Variants in ICA1 observed in about 807,000 individuals in gnomAD.
The protein encoded by ICA1 is islet cell autoantigen 1.
A neutral mutation model predicts 71.0 loss-of-function variants in ICA1; 40 were observed. The ratio of observed to expected loss-of-function variants is 0.56; its 90% CI spans 0.44 to 0.73. The LOEUF (loss-of-function observed/expected upper bound fraction) is 0.73. ICA1 is among the 30% of genes least tolerant of loss of function. The probability of loss-of-function intolerance (pLI) is 0.00; values close to 1 mark genes in which losing one functional copy is unlikely to be tolerated. For synonymous variants in ICA1, 207 were observed against 209.5 expected, an observed-to-expected ratio of 0.99 and a Z score of 0.10; for missense variants, 578 against 576.5, an observed-to-expected ratio of 1.00 and a Z score of -0.03.
At chr7:8,194,477 T>C (rs1388597056) in intron 6 of ICA1, among the ~76,000 whole-genome samples, 2 of 152,246 alleles carry the variant, frequency 1.3e-5, no homozygotes, top group African/African-American at 2.4e-5. Flanking sequence ...TCTCTCCTTT[T>C]AAAATTCTTA....
intron 12 of ICA1, among the ~76,000 whole-genome samples, chr7:8,134,272 C>G (rs1792534554): frequency 2.6e-5 from 4 of 152,120 alleles, no homozygotes; most frequent in Admixed American, 2.6e-4. Flanking sequence ...GATCCTGAAC[C>G]AATGAGCAAT....
chr7:8,164,621 C>T (rs1363256772), intron 6 of ICA1, among the ~76,000 whole-genome samples: 1 of 152,210 alleles, frequency 6.6e-6, no homozygotes, highest in African/African-American at 2.4e-5. Flanking sequence ...CTCTAATACT[C>T]CTCCGTCATT....
At chr7:8,121,674 T>C (rs1490971195) in intron 13 of ICA1, among the ~76,000 whole-genome samples, 1 of 152,172 alleles carries the variant, frequency 6.6e-6, no homozygotes, top group African/African-American at 2.4e-5. Context: ...AGAATAAGTA[T>C]GATCTAGCAT....
intron 1 of ICA1, among the ~76,000 whole-genome samples, chr7:8,241,007 G>C (rs1803653600): frequency 6.6e-6 from 1 of 152,174 alleles, no homozygotes; most frequent in African/African-American, 2.4e-5. Flanking sequence ...TATTATCCAG[G>C]AGAATTTCCC....
chr7:8,211,826 T>C (rs1008780503), intron 6 of ICA1, among the ~76,000 whole-genome samples: 1 of 152,210 alleles, frequency 6.6e-6, no homozygotes, highest in Non-Finnish European at 1.5e-5. Flanking sequence ...TTTAGCTTTG[T>C]GAGCCATTAG....
At chr7:8,202,529 A>G (rs1413604299) in intron 6 of ICA1, among the ~76,000 whole-genome samples, 10 of 152,204 alleles carry the variant, frequency 6.6e-5, no homozygotes, top group Non-Finnish European at 1.5e-4. Context: ...GGCTAACTAC[A>G]TCTTTGTCAA....
rs548724724 is a variant in ICA1 at position 8,148,413 on chromosome 7, A to C, written c.805-4441T>G. Among the ~76,000 whole-genome samples, 21 of 151,744 alleles carry C rather than the reference A, an allele frequency of 1.4e-4. No homozygotes were observed. In the South Asian group the frequency reaches 3.7e-3, roughly 27 times the overall value. On this transcript the variant is annotated intron_variant, in intron 8 of 13. Coordinates refer to ENST00000402384, the MANE Select transcript of ICA1 (RefSeq NM_001136020.3). ...AGAATTACCTTACCTTTTTTTTTAA[A>C]CTTTTCTAAATGTACATATAACTTA...
chr7:8,227,033 C>A (rs954364694), intron 4 of ICA1, among the ~76,000 whole-genome samples: 2 of 152,068 alleles, frequency 1.3e-5, no homozygotes, highest in Non-Finnish European at 2.9e-5. Context: ...GTGGACACAC[C>A]AACTTCATGT....
intron 1 of ICA1, among the ~76,000 whole-genome samples, chr7:8,259,896 GT>G (rs1454146537): frequency 6.6e-6 from 1 of 152,190 alleles, no homozygotes; most frequent in Non-Finnish European, 1.5e-5. Context: ...TGGTGGTGGG[GT>G]TGGGGGATAA....
intron 6 of ICA1, among the ~76,000 whole-genome samples, chr7:8,179,829 A>G (rs1260787613): frequency 1.3e-5 from 2 of 152,150 alleles, no homozygotes; most frequent in Non-Finnish European, 2.9e-5. Flanking sequence ...ATGAAATGGT[A>G]AAGAACTTAA....
intron 6 of ICA1, among the ~76,000 whole-genome samples, chr7:8,161,020 G>A (rs980084455): frequency 6.6e-6 from 1 of 152,180 alleles, no homozygotes; most frequent in Admixed American, 6.5e-5. Flanking sequence ...CCTCAGCTGG[G>A]GTCCTGAAAG....
intron 2 of ICA1, among the ~76,000 whole-genome samples, chr7:8,233,459 T>C (rs1284187795): frequency 6.6e-6 from 1 of 151,552 alleles, no homozygotes; most frequent in Non-Finnish European, 1.5e-5. Flanking sequence ...AGTGGCGTGA[T>C]CTCAGCTCAC....
At chr7:8,233,596 A>G (rs185166076) in intron 2 of ICA1, among the ~76,000 whole-genome samples, 14 of 151,954 alleles carry the variant, frequency 9.2e-5, no homozygotes, top group African/African-American at 2.7e-4. Flanking sequence ...GGGTTTCACT[A>G]TGTTGGCCAG....
At chr7:8,258,775 ATACTAAATAGTAAAT>A (rs1811182769) in intron 1 of ICA1, among the ~76,000 whole-genome samples, 1 of 152,236 alleles carries the variant, frequency 6.6e-6, no homozygotes, top group South Asian at 2.1e-4. Context: ...TGATGCTATA[ATACTAAATAGTAAAT>A]TGCTAGAATA....
intron 6 of ICA1, among the ~76,000 whole-genome samples, chr7:8,203,943 T>C (rs10254793): frequency 0.99 from 150,503 of 152,236 alleles, 74,402 homozygotes; most frequent in Middle Eastern, 1. Context: ...CCCCAAGGAA[T>C]TCAGGCTCTA....
In ICA1 at chr7:8,195,186, C is replaced by A. The variant is rs187195846; in HGVS notation, c.579+23119G>T. On this transcript the variant is annotated intron_variant, in intron 6 of 13. Coordinates refer to ENST00000402384, the MANE Select transcript of ICA1 (RefSeq NM_001136020.3). The stretch of plus-strand genomic sequence containing the variant: ...ACAACAATGAGATAATACATAGATA[C>A]TAGAATGGCAAAAATCCAAAATACT... Among the ~76,000 whole-genome samples the A allele has an allele frequency of 1.5e-3, 232 of 152,276 alleles. 2 individuals carry two copies. The highest frequency in any genetic ancestry group is 8.6e-3 in the Admixed American group (131 of 15,294).
At chr7:8,221,015 T>C (rs572972240) in intron 5 of ICA1, among the ~76,000 whole-genome samples, 51 of 152,216 alleles carry the variant, frequency 3.4e-4, no homozygotes, top group Middle Eastern at 6.8e-3. Context: ...CTCATAGTGA[T>C]TGACATATAT....
At chr7:8,179,455 A>G (rs1781539225) in intron 6 of ICA1, among the ~76,000 whole-genome samples, 1 of 152,234 alleles carries the variant, frequency 6.6e-6, no homozygotes, top group South Asian at 2.1e-4. Context: ...AATGTCATCA[A>G]CAGCATCGGA....
At chr7:8,159,741 C>T (rs564874679) in intron 6 of ICA1, among the ~76,000 whole-genome samples, 20 of 152,152 alleles carry the variant, frequency 1.3e-4, no homozygotes, top group African/African-American at 4.6e-4. Context: ...AACCAAAAAA[C>T]AAAACAAAAT....
Sources: allele counts gnomAD v4.1 joint callset (sites outside exome capture counted in the v4.1 genomes callset), GRCh38; gene constraint gnomAD v4.1.1; transcripts MANE v1.5; gene names NCBI Gene and HGNC (gene_info 2026-07-23, HGNC 2026-07-21).